Variants in XRCC6 observed in about 807,000 individuals in gnomAD.
XRCC6 encodes X-ray repair cross complementing 6.
XRCC6 carries 5 observed loss-of-function variants against 65.7 expected under a neutral mutation model. The ratio of observed to expected loss-of-function variants is 0.08; its 90% CI spans 0.04 to 0.16. The LOEUF (loss-of-function observed/expected upper bound fraction) is 0.16. XRCC6 is among the 10% of genes least tolerant of loss of function. XRCC6 has a pLI of 1.00. For synonymous variants in XRCC6, 270 were observed against 270.6 expected (o/e 1.00, Z 0.02); for missense variants, 447 against 738.1 (o/e 0.61, Z 4.57).
intron 12 of XRCC6, chr22:41,661,680 T>G (rs994242858): frequency 1.3e-5 from 6 of 457,542 alleles, no homozygotes; most frequent in African/African-American, 4.0e-5. Context: ...TAGTTGGGAG[T>G]TTCCTCAAAA....
intron 2 of XRCC6, 30 bp downstream of exon 2, chr22:41,622,116 G>A (rs761064095): frequency 6.2e-7 from 1 of 1,612,410 alleles, no homozygotes; most frequent in Admixed American, 1.7e-5. Context: ...AGTGCCATTC[G>A]GTGTGTGGAA....
At chr22:41,655,030 C>A (rs1401342430) in intron 9 of XRCC6, among the ~76,000 whole-genome samples, 1 of 152,192 alleles carries the variant, frequency 6.6e-6, no homozygotes, top group African/African-American at 2.4e-5. Flanking sequence ...ACTGTAAATG[C>A]TACCCACCAG....
intron 3 of XRCC6, 53 bp from the exon 4 acceptor site, chr22:41,636,060 T>G (rs2067806118): frequency 6.6e-7 from 1 of 1,518,318 alleles, no homozygotes. Flanking sequence ...ACTGAGCACT[T>G]ATGGAGCTTC....
Position 41,636,501 on chromosome 22 carries a change from C to A in XRCC6, c.335-15C>A, listed in dbSNP as rs375403161. 8 of 1,612,254 alleles carry A rather than the reference C, an allele frequency of 5.0e-6. No individual in the cohort carries two copies. Among genetic ancestry groups the A allele is most frequent in the Non-Finnish European group, 5.9e-6 (7 of 1,178,862 alleles). On this transcript the variant is annotated splice_polypyrimidine_tract_variant and intron_variant, in intron 4 of 12. Coordinates refer to ENST00000360079, the MANE Select transcript of XRCC6 (RefSeq NM_001469.5). ...TCTGATTTTTCTTTCCATTTGACTC[C>A]CTGCCTCTGATCAGGTGCAAAACGA... is the stretch of plus-strand genomic sequence containing the variant.
At chr22:41,660,946 A>G (rs1012610635) in intron 11 of XRCC6, among the ~76,000 whole-genome samples, 2 of 151,950 alleles carry the variant, frequency 1.3e-5, no homozygotes, top group Non-Finnish European at 2.9e-5. Flanking sequence ...AGGCAGGAGA[A>G]TCGCTTGAAC....
intron 6 of XRCC6, among the ~76,000 whole-genome samples, chr22:41,646,476 C>G (rs574576935): frequency 2.4e-4 from 36 of 152,188 alleles, no homozygotes; most frequent in African/African-American, 8.2e-4. Context: ...TAGAAATGCT[C>G]TACAGTCTGA....
chr22:41,650,278 A>G (rs925714055), intron 7 of XRCC6, among the ~76,000 whole-genome samples: 2 of 151,452 alleles, frequency 1.3e-5, no homozygotes, highest in Admixed American at 6.6e-5. Flanking sequence ...CTAATTTTTA[A>G]TTTTTTTATA....
chr22:41,649,139 A>AAAAAATATATATATATATATATATATAT, intron 7 of XRCC6, among the ~76,000 whole-genome samples: 63 of 88,674 alleles, frequency 7.1e-4, no homozygotes, highest in Non-Finnish European at 1.2e-3. Context: ...AAAAAAAAAA[A>AAAAAATATATATATATATATATATATAT]ATATATATAT....
intron 2 of XRCC6, among the ~76,000 whole-genome samples, chr22:41,625,820 CTG>C (rs1447725518): frequency 6.6e-6 from 1 of 152,148 alleles, no homozygotes; most frequent in Non-Finnish European, 1.5e-5. Context: ...GAGAACAAGA[CTG>C]TTTCTAAAAT....
At chr22:41,651,654 A>G (rs983185204) in intron 8 of XRCC6, among the ~76,000 whole-genome samples, 4 of 151,246 alleles carry the variant, frequency 2.6e-5, no homozygotes, top group African/African-American at 9.7e-5. Context: ...CAGCCTCTGG[A>G]GTAGCTGGGA....
chr22:41,647,327 A>C (rs2067942701), intron 7 of XRCC6, among the ~76,000 whole-genome samples: 1 of 152,110 alleles, frequency 6.6e-6, no homozygotes, highest in African/African-American at 2.4e-5. Flanking sequence ...TCATGCCTGT[A>C]ATCCCAGCAC....
chr22:41,648,587 T>G (rs946757956), intron 7 of XRCC6, among the ~76,000 whole-genome samples: 1 of 152,120 alleles, frequency 6.6e-6, no homozygotes, highest in African/African-American at 2.4e-5. Context: ...TCCTCTTACC[T>G]TTGCTCAGTC....
At chr22:41,657,745 C>T (rs928328920) in intron 10 of XRCC6, among the ~76,000 whole-genome samples, 1 of 151,502 alleles carries the variant, frequency 6.6e-6, no homozygotes, top group Non-Finnish European at 1.5e-5. Context: ...GTCTGGAACT[C>T]CTGAGCTCAA....
At chr22:41,632,463 T>C (rs1386582806) in intron 3 of XRCC6, among the ~76,000 whole-genome samples, 1 of 151,822 alleles carries the variant, frequency 6.6e-6, no homozygotes. Flanking sequence ...ATACAAAAAT[T>C]AGCCGGGCAT....
chr22:41,659,092 GC>G (rs2068075623), intron 11 of XRCC6, among the ~76,000 whole-genome samples: 1 of 152,012 alleles, frequency 6.6e-6, no homozygotes, highest in African/African-American at 2.4e-5. Context: ...GTTGGTCCCC[GC>G]CCGGCTAATT....
rs760045451 is a variant in XRCC6, at chr22:41,663,674, G to A, written c.1689G>A (p.Glu563=). 9.3e-6 allele frequency: 15 copies of A among 1,614,008 alleles called. No individual in the cohort carries two copies. The South Asian group carries it at 1.5e-4, about 17-fold the overall frequency. Residue 563 remains glutamate (E), a synonymous_variant, in exon 13 of 13, where the codon GAG becomes GAA. Coordinates refer to ENST00000360079, the MANE Select transcript of XRCC6 (RefSeq NM_001469.5). The stretch of plus-strand genomic sequence containing the variant: ...CCAAGGTGGAGTATTCAGAAGAGGA[G>A]CTGAAGACCCACATCAGCAAGGGTA... The part of the protein sequence containing the change: ...KRPKVEYSEE[E]LKTHISKGTL...
intron 9 of XRCC6, 88 bp downstream of exon 9, chr22:41,653,778 A>C: frequency 6.8e-7 from 1 of 1,467,612 alleles, no homozygotes; most frequent in Non-Finnish European, 9.2e-7. Flanking sequence ...CTACTGAATC[A>C]TAGTCTCTGG....
In XRCC6 at chr22:41,663,636, G is replaced by A. The variant is rs1429713148; in HGVS notation, c.1651G>A (p.Gly551Arg). Residue 551 changes from glycine to arginine, a missense_variant, in exon 13 of 13, where the codon GGA (glycine) becomes AGA (arginine). Gly to Arg is a moderately radical substitution (Grantham distance 125, BLOSUM62 -2). Around this residue, in one of 4 missense-constraint regions of XRCC6, gnomAD observed 201 missense variants for 374.1 expected, o/e 0.54. Transcript: ENST00000360079. The part of the protein sequence containing the change: ...TKRKHDNEGS[G>R]SKRPKVEYSE... ...TTTCCCCCCAGATAATGAAGGTTCT[G>A]GAAGCAAAAGGCCCAAGGTGGAGTA... is the stretch of plus-strand genomic sequence containing the variant. 3 of 1,612,676 alleles carry A rather than the reference G, an allele frequency of 1.9e-6. No homozygotes were observed. Among genetic ancestry groups the A allele is most frequent in the African/African-American group, 1.3e-5 (1 of 74,898 alleles).
At chr22:41,653,133 G>T (rs1295490183) in intron 8 of XRCC6, among the ~76,000 whole-genome samples, 3 of 152,048 alleles carry the variant, frequency 2.0e-5, no homozygotes, top group African/African-American at 7.2e-5. Context: ...GCTTGGTGTG[G>T]TGGCTCATGC....
Sources: gnomAD v4.1 joint callset for allele counts (sites outside exome capture counted in the v4.1 genomes callset) on GRCh38, gnomAD v4.1.1 for gene constraint, gnomAD v4.1.1 regional missense constraint, MANE v1.5 for transcripts, NCBI Gene and HGNC (gene_info 2026-07-23, HGNC 2026-07-21) for gene names.